ABCD3: variants seen among roughly 807,000 people sequenced by gnomAD.
The protein encoded by ABCD3 is ATP binding cassette subfamily D member 3, also known as ATP-binding cassette sub-family D member 3.
Under a neutral mutation model 105.5 loss-of-function variants are expected in ABCD3, and 41 were observed. The ratio of observed to expected loss-of-function variants is 0.39; its 90% CI spans 0.30 to 0.50. The LOEUF (loss-of-function observed/expected upper bound fraction) is 0.50, where lower values mean the gene tolerates loss of function less well. Among genes scored for constraint, ABCD3 ranks in the 20% least tolerant of loss-of-function variants. The pLI, the probability that ABCD3 is intolerant of heterozygous loss-of-function variation, is 0.84. For synonymous variants in ABCD3, 258 were observed against 269.0 expected, an observed-to-expected ratio of 0.96 and a Z score of 0.40; for missense variants, 622 against 806.3, an observed-to-expected ratio of 0.77 and a Z score of 2.77.
At chr1:94,410,632 G>A in the ABCD3 span, among the ~76,000 whole-genome samples, 1 of 152,128 alleles carries the variant, frequency 6.6e-6, no homozygotes, top group African/African-American at 2.4e-5. Context: ...GCACAGGTCA[G>A]CTGAACGCCT....
the ABCD3 span, among the ~76,000 whole-genome samples, chr1:94,404,028 A>T: frequency 1.3e-5 from 2 of 152,214 alleles, no homozygotes; most frequent in African/African-American, 4.8e-5. Flanking sequence ...ATATACATGC[A>T]TACTTATCAC....
intron 1 of ABCD3, among the ~76,000 whole-genome samples, chr1:94,426,736 G>C (rs1024273583): frequency 3.9e-5 from 6 of 151,932 alleles, no homozygotes; most frequent in African/African-American, 1.4e-4. Context: ...GGAGAAATGG[G>C]GTTTCGCCAT....
At chr1:94,397,290 AT>A in the ABCD3 span, among the ~76,000 whole-genome samples, 1 of 152,192 alleles carries the variant, frequency 6.6e-6, no homozygotes. Flanking sequence ...CACAGACTTC[AT>A]TTCAATTTCC....
At chr1:94,458,876 C>T (rs1458099484) in intron 2 of ABCD3, among the ~76,000 whole-genome samples, 4 of 150,456 alleles carry the variant, frequency 2.7e-5, no homozygotes, top group Non-Finnish European at 5.9e-5. Flanking sequence ...TAGTTTCCCC[C>T]CCTCTTCTAG....
intron 1 of ABCD3, among the ~76,000 whole-genome samples, chr1:94,447,584 G>C (rs1660404302): frequency 6.6e-6 from 1 of 152,178 alleles, no homozygotes; most frequent in South Asian, 2.1e-4. Context: ...CTTATGTAGA[G>C]CAAGCAATTA....
chr1:94,500,934 T>A (rs928435552), intron 20 of ABCD3, among the ~76,000 whole-genome samples: 1 of 152,146 alleles, frequency 6.6e-6, no homozygotes, highest in Non-Finnish European at 1.5e-5. Flanking sequence ...AAGATGACTA[T>A]AGAAATAACT....
At chr1:94,426,762 C>CT (rs902978284) in intron 1 of ABCD3, among the ~76,000 whole-genome samples, 2 of 151,554 alleles carry the variant, frequency 1.3e-5, no homozygotes, top group Non-Finnish European at 2.9e-5. Flanking sequence ...CCAGGCTGGT[C>CT]TTGAACTCCT....
chr1:94,515,286 A>G (rs1232079062), intron 22 of ABCD3, 84 bp downstream of exon 22: 3 of 1,146,476 alleles, frequency 2.6e-6, no homozygotes, highest in Admixed American at 3.5e-5. Flanking sequence ...TTTAGATTTT[A>G]TGGTTTGTAT....
intron 1 of ABCD3, among the ~76,000 whole-genome samples, chr1:94,453,689 TAAG>T (rs1416453867): frequency 6.6e-6 from 1 of 151,782 alleles, no homozygotes; most frequent in African/African-American, 2.4e-5. Context: ...AGAGTTGAGA[TAAG>T]AAGTCTTTTA....
At chr1:94,466,982 G>A (rs555677030) in intron 3 of ABCD3, among the ~76,000 whole-genome samples, 17 of 152,246 alleles carry the variant, frequency 1.1e-4, no homozygotes, top group Non-Finnish European at 2.2e-4. Context: ...ACTTGGGGTT[G>A]GGGTGGCAGG....
chr1:94,441,049 T>C (rs553223862), intron 1 of ABCD3, among the ~76,000 whole-genome samples: 1 of 152,300 alleles, frequency 6.6e-6, no homozygotes. Flanking sequence ...CTCTATAACC[T>C]GGGTGTAGGG....
chr1:94,429,563 G>A (rs909038279), intron 1 of ABCD3, among the ~76,000 whole-genome samples: 2 of 152,206 alleles, frequency 1.3e-5, no homozygotes, highest in Admixed American at 1.3e-4. Flanking sequence ...AGCCACTTCA[G>A]CTGTGACTAA....
chr1:94,393,448 G>A, the ABCD3 span, among the ~76,000 whole-genome samples: 1 of 152,028 alleles, frequency 6.6e-6, no homozygotes, highest in Non-Finnish European at 1.5e-5. Flanking sequence ...AGACCAGCCT[G>A]GTCAAGGTGG....
chr1:94,422,678 A>G (rs923114742), intron 1 of ABCD3, among the ~76,000 whole-genome samples: 33 of 152,212 alleles, frequency 2.2e-4, no homozygotes, highest in African/African-American at 7.7e-4. Context: ...GATAAATGAC[A>G]TAGGATAGTT....
At chr1:94,402,822 CTTT>C in the ABCD3 span, among the ~76,000 whole-genome samples, 1 of 151,262 alleles carries the variant, frequency 6.6e-6, no homozygotes, top group Admixed American at 6.6e-5. Context: ...TATTACTATA[CTTT>C]AAGTTTTAGG....
intron 10 of ABCD3, 147 bp from the exon 11 acceptor site, chr1:94,487,395 A>G (rs1649326074): frequency 1.3e-6 from 1 of 780,962 alleles, no homozygotes; most frequent in East Asian, 2.7e-5. Context: ...GGTGTGATGT[A>G]CAATATAAAC....
At chr1:94,513,925 C>CT (rs36073397) in intron 21 of ABCD3, 8 of 151,964 alleles carry the variant, frequency 5.3e-5, no homozygotes, top group South Asian at 2.1e-4. Flanking sequence ...ATTTAAGAAC[C>CT]TTTTTACAGT....
intron 8 of ABCD3, among the ~76,000 whole-genome samples, chr1:94,479,010 A>G (rs549902956): frequency 4.6e-5 from 7 of 152,328 alleles, no homozygotes; most frequent in Non-Finnish European, 1.0e-4. Flanking sequence ...TAACACAGCC[A>G]TATAATAGTA....
At chr1:94,472,297 A>C in intron 4 of ABCD3, 1 of 824,938 alleles carries the variant, frequency 1.2e-6, no homozygotes, top group Non-Finnish European at 1.5e-6. Context: ...CTTGGGCAGC[A>C]CTAAAGCACT....
Sources: gnomAD v4.1 joint callset for allele counts (sites outside exome capture counted in the v4.1 genomes callset) on GRCh38, gnomAD v4.1.1 for gene constraint, MANE v1.5 for transcripts, NCBI Gene and HGNC (gene_info 2026-07-23, HGNC 2026-07-21) for gene names.